Variants in ROBO1 observed in about 807,000 individuals in gnomAD.
ROBO1 encodes roundabout guidance receptor 1, also known as roundabout homolog 1.
ROBO1 carries 149 observed loss-of-function variants against 195.9 expected under a neutral mutation model. That is an observed-to-expected ratio of 0.76 (90% confidence interval 0.67 to 0.87). The LOEUF is 0.87. ROBO1 is among the 40% of genes least tolerant of loss of function. ROBO1 has a pLI of 0.00. For synonymous variants in ROBO1, 816 were observed against 733.2 expected (o/e 1.11, Z -1.82); for missense variants, 1,933 against 2,068.3 (o/e 0.93, Z 1.27).
chr3:79,512,273 TTTA>T (rs549036495), intron 2 of ROBO1, among the ~76,000 whole-genome samples: 156 of 152,264 alleles, frequency 1.0e-3, no homozygotes, highest in African/African-American at 3.4e-3. Flanking sequence ...CCACCAAGAT[TTTA>T]TTAACTATGA....
intron 3 of ROBO1, among the ~76,000 whole-genome samples, chr3:79,123,786 A>C (rs1037294304): frequency 3.9e-5 from 6 of 152,008 alleles, no homozygotes; most frequent in Non-Finnish European, 8.8e-5. Flanking sequence ...ATGTTAATTT[A>C]TCTAATGATA....
chr3:79,324,828 C>T (rs563574393), intron 2 of ROBO1, among the ~76,000 whole-genome samples: 3 of 152,236 alleles, frequency 2.0e-5, no homozygotes, highest in South Asian at 2.1e-4. Flanking sequence ...AAGAGTTTTA[C>T]GTTCTGATGT....
chr3:79,167,639 C>CA (rs926940711), intron 2 of ROBO1, among the ~76,000 whole-genome samples: 140 of 152,250 alleles, frequency 9.2e-4, no homozygotes, highest in African/African-American at 3.3e-3. Context: ...AAAATAAAAA[C>CA]AAAAATATCC....
At chr3:79,061,696 A>G (rs1417921764) in intron 3 of ROBO1, among the ~76,000 whole-genome samples, 1 of 152,108 alleles carries the variant, frequency 6.6e-6, no homozygotes. Flanking sequence ...AAATAACACT[A>G]CACATCTACA....
chr3:78,881,198 T>C (rs1386196456), intron 4 of ROBO1, among the ~76,000 whole-genome samples: 1 of 152,152 alleles, frequency 6.6e-6, no homozygotes. Flanking sequence ...GAAGAAATAT[T>C]GATGAGAGGA....
intron 3 of ROBO1, among the ~76,000 whole-genome samples, chr3:79,085,907 A>G (rs1401830944): frequency 6.6e-6 from 1 of 152,184 alleles, no homozygotes; most frequent in Admixed American, 6.6e-5. Context: ...TATTCTCTAT[A>G]AGCAAAGCCA....
chr3:79,453,723 G>C (rs1469596849), intron 2 of ROBO1, among the ~76,000 whole-genome samples: 1 of 152,064 alleles, frequency 6.6e-6, no homozygotes, highest in Non-Finnish European at 1.5e-5. Flanking sequence ...ATAAATCACA[G>C]CATGAGACAT....
chr3:79,741,666 G>T (rs962248085), intron 1 of ROBO1, among the ~76,000 whole-genome samples: 7 of 152,176 alleles, frequency 4.6e-5, no homozygotes, highest in Non-Finnish European at 4.4e-5. Context: ...AGTGACTTTG[G>T]AACTGGGTAA....
intron 1 of ROBO1, among the ~76,000 whole-genome samples, chr3:79,625,424 A>AAAAG (rs768889133): frequency 4.0e-5 from 3 of 74,668 alleles, no homozygotes; most frequent in African/African-American, 2.5e-4. Context: ...GTTTTTTTTG[A>AAAAG]AAAAAAAAAA....
intron 14 of ROBO1, among the ~76,000 whole-genome samples, chr3:78,662,970 G>T (rs575708679): frequency 1.6e-4 from 25 of 152,080 alleles, no homozygotes; most frequent in Middle Eastern, 6.8e-3. Context: ...GTTTTGCTTT[G>T]TTTATAATAG....
chr3:79,196,230 G>A (rs1364872380), intron 2 of ROBO1, among the ~76,000 whole-genome samples: 1 of 150,854 alleles, frequency 6.6e-6, no homozygotes, highest in East Asian at 2.0e-4. Context: ...CAGAAAAGAT[G>A]GCATCTATCA....
At chr3:79,383,818 G>T (rs2036648274) in intron 2 of ROBO1, among the ~76,000 whole-genome samples, 1 of 151,928 alleles carries the variant, frequency 6.6e-6, no homozygotes, top group Non-Finnish European at 1.5e-5. Context: ...TGTCTGGGCA[G>T]GTCAGATACC....
At chr3:79,158,820 A>C (rs1256089912) in intron 2 of ROBO1, among the ~76,000 whole-genome samples, 1 of 151,872 alleles carries the variant, frequency 6.6e-6, no homozygotes, top group Admixed American at 6.6e-5. Context: ...ATTTACTTAT[A>C]ATATAAATTT....
chr3:79,168,246 G>T (rs2081104725), intron 2 of ROBO1, among the ~76,000 whole-genome samples: 1 of 152,126 alleles, frequency 6.6e-6, no homozygotes, highest in African/African-American at 2.4e-5. Flanking sequence ...TTCAGCTTTA[G>T]TCATCGCCCT....
At position 79,654,221 on chromosome 3, in the gene ROBO1, G is replaced by A. The variant is rs537630487; in HGVS notation, c.-50-64260C>T. Among the ~76,000 whole-genome samples the A allele has an allele frequency of 2.6e-5, 4 of 152,112 alleles. No individual in the cohort carries two copies. The South Asian group carries it at 8.3e-4, about 32-fold the overall frequency. ...AATTCATATGTAATTAATCATTGGA[G>A]AAGAATGGAAAATCACAGGCAGCAT... On this transcript the variant is annotated intron_variant, in intron 1 of 30. Coordinates refer to ENST00000464233, the MANE Select transcript of ROBO1 (RefSeq NM_002941.4).
chr3:78,619,005 G>A (rs1575785593), intron 26 of ROBO1, among the ~76,000 whole-genome samples: 1 of 152,266 alleles, frequency 6.6e-6, no homozygotes, highest in African/African-American at 2.4e-5. Context: ...ATCCCCATGG[G>A]AGGAGAATGC....
intron 3 of ROBO1, among the ~76,000 whole-genome samples, chr3:79,055,931 G>T (rs147983113): frequency 6.6e-6 from 1 of 152,170 alleles, no homozygotes; most frequent in East Asian, 1.9e-4. Context: ...TACAACTTGA[G>T]AATGTGGAAC....
rs765394433 is a variant in ROBO1, at chr3:78,618,054, G to A, written c.3876-13C>T. ...CACAGGCTGCCGTCTGTATGAAGAT[G>A]AATAAATAGGTCTGGCTCAGCTTGT... On this transcript the variant is annotated splice_polypyrimidine_tract_variant and intron_variant, in intron 26 of 30. Coordinates refer to ENST00000464233, the MANE Select transcript of ROBO1 (RefSeq NM_002941.4). 1.9e-6 allele frequency: 3 copies of A among 1,591,550 alleles called. No individual in the cohort carries two copies.
At chr3:79,525,327 T>C (rs1941382595) in intron 2 of ROBO1, among the ~76,000 whole-genome samples, 2 of 149,656 alleles carry the variant, frequency 1.3e-5, no homozygotes, top group Admixed American at 1.3e-4. Context: ...ATGGTTCTAA[T>C]AAAATATTAA....
Sources: allele counts gnomAD v4.1 joint callset (sites outside exome capture counted in the v4.1 genomes callset), GRCh38; gene constraint gnomAD v4.1.1; transcripts MANE v1.5; gene names NCBI Gene and HGNC (gene_info 2026-07-23, HGNC 2026-07-21).